The following TCF20 variants were observed in gnomAD, a reference collection of about 807,000 sequenced individuals.
The protein encoded by TCF20 is transcription factor 20.
Under a neutral mutation model 148.6 loss-of-function variants are expected in TCF20, and 3 were observed. That is an observed-to-expected ratio of 0.02 (90% confidence interval 0.01 to 0.05). The LOEUF is 0.05. Ranked by LOEUF, TCF20 falls within the 10% of genes least tolerant of loss-of-function variation. The pLI, the probability that TCF20 is intolerant of heterozygous loss-of-function variation, is 1.00. For synonymous variants in TCF20, 1,049 were observed against 909.5 expected (o/e 1.15, Z -2.76); for missense variants, 2,350 against 2,429.3 (o/e 0.97, Z 0.69).
intron 2 of TCF20, among the ~76,000 whole-genome samples, chr22:42,202,547 G>A (rs757821547): frequency 6.6e-6 from 1 of 152,210 alleles, no homozygotes; most frequent in Non-Finnish European, 1.5e-5. Flanking sequence ...AGCTGTTGAG[G>A]AGAACGGCAA....
At chr22:42,176,153 G>A (rs970990831) in intron 3 of TCF20, among the ~76,000 whole-genome samples, 3 of 152,184 alleles carry the variant, frequency 2.0e-5, no homozygotes, top group African/African-American at 7.2e-5. Context: ...CCATCAAGCT[G>A]CCTTTCAGTC....
chr22:42,214,896 C>A lies in TCF20; in HGVS notation c.410G>T (p.Gly137Val), dbSNP rs1156699069. 1.2e-6 allele frequency: 2 copies of A among 1,614,182 alleles called. No individual in the cohort carries two copies. The highest frequency in any genetic ancestry group is 1.3e-5 in the African/African-American group (1 of 75,036). ...GNQYGSEGHV[G>V]QFQAQHSGLG... The stretch of plus-strand genomic sequence containing the variant: ...GCCAGAGTGCTGTGCTTGAAACTGG[C>A]CCACATGACCCTCACTCCCATACTG... Residue 137 changes from glycine to valine, a missense_variant, in exon 2 of 6, where the codon GGC becomes GTC. This residue lies in a region of TCF20 where 1,641 missense variants were observed against 1,662.6 expected (regional missense o/e 0.99). Transcript: ENST00000677622.
rs955182915 is a variant in TCF20, at chr22:42,279,933, C to G, written c.-37+3894G>C. The stretch of plus-strand genomic sequence containing the variant: ...CCTCACAGGTGATGGGGTGTGTTGT[C>G]TATGGGGCTCTTGTGCCCTCTGGGG... On this transcript the variant is annotated intron_variant, in intron 1 of 5. Transcript: ENST00000359486. The surrounding 1 kb of genome is among the most constrained non-coding windows in gnomAD (Gnocchi z 4.3). Among the ~76,000 whole-genome samples, 1 of 145,562 alleles carries G rather than the reference C, an allele frequency of 6.9e-6. No homozygotes were observed. The highest frequency in any genetic ancestry group is 1.5e-5 in the Non-Finnish European group (1 of 64,814).
chr22:42,273,053 T>G (rs1451895844), upstream of TCF20, among the ~76,000 whole-genome samples: 1 of 151,992 alleles, frequency 6.6e-6, no homozygotes, highest in African/African-American at 2.4e-5. Flanking sequence ...CATAAGGTGT[T>G]GTGGGACTCT....
Position 42,327,879 on chromosome 22 carries a change from A to G in TCF20, c.-37+15600T>C, listed in dbSNP as rs879851386. 2.6e-5 allele frequency among the ~76,000 whole-genome samples: 4 copies of G among 151,424 alleles called. No homozygotes were observed. In the East Asian group the frequency reaches 7.8e-4, roughly 29 times the overall value. The stretch of plus-strand genomic sequence containing the variant: ...ACACAGGTTGCCTTCCCCGGCCTCA[A>G]AGTATAGCACTCCCTACCGCAGGGG... On this transcript the variant is annotated intron_variant, in intron 1 of 1. Transcript: ENST00000515426.
chr22:42,247,151 G>C (rs1303803021), intron 1 of TCF20, among the ~76,000 whole-genome samples: 1 of 151,772 alleles, frequency 6.6e-6, no homozygotes, highest in Admixed American at 6.6e-5. Flanking sequence ...TCAAAAGATG[G>C]AGAACAGGCT....
rs909279986 is a variant in TCF20 at position 42,290,088 on chromosome 22, C to G, written c.-37+53391G>C. Among the ~76,000 whole-genome samples, 1 of 152,210 alleles carries G rather than the reference C, an allele frequency of 6.6e-6. No individual in the cohort carries two copies. Among genetic ancestry groups the G allele is most frequent in the African/African-American group, 2.4e-5 (1 of 41,458 alleles). Reference sequence around the variant, plus strand: ...CGCACGCATGCGCCCCCTGCACCGCCGGCTGCTGCTTGGGGAGCGGGGGTC... The same window carrying G: ...CGCACGCATGCGCCCCCTGCACCGCGGGCTGCTGCTTGGGGAGCGGGGGTC... On this transcript the variant is annotated intron_variant, in intron 1 of 1. Coordinates refer to the TCF20 transcript ENST00000515426. The surrounding 1 kb of genome is among the most constrained non-coding windows in gnomAD (Gnocchi z 4.2).
In TCF20 at chr22:42,211,539, C is replaced by T. The variant is rs1024287636; in HGVS notation, c.3767G>A (p.Arg1256His). ...AATGGGAGAGATAAAAGAACGAACA[C>T]GCCTCCTCATGATTAAGGGGTTTTG... Reference protein sequence around the residue: ...SSQNPLIMRRRVRSFISPIPS... With the variant: ...SSQNPLIMRRHVRSFISPIPS... Residue 1256 changes from arginine to histidine, a missense_variant, in exon 2 of 6, where the codon CGT becomes CAT. Arg to His is a conservative substitution (Grantham distance 29, BLOSUM62 0). Transcript: ENST00000677622. 1 of 1,614,172 alleles carries T rather than the reference C, an allele frequency of 6.2e-7. No individual in the cohort carries two copies. Among genetic ancestry groups the T allele is most frequent in the Non-Finnish European group, 8.5e-7 (1 of 1,180,032 alleles).
intron 1 of TCF20, among the ~76,000 whole-genome samples, chr22:42,293,335 A>G (rs1224914714): frequency 1.3e-5 from 2 of 152,214 alleles, no homozygotes; most frequent in Non-Finnish European, 2.9e-5. Flanking sequence ...GTGGGTGCCA[A>G]ACAAAAAGGG....
intron 1 of TCF20, among the ~76,000 whole-genome samples, chr22:42,255,494 C>A (rs199637673): frequency 1.2e-4 from 4 of 34,262 alleles, no homozygotes; most frequent in African/African-American, 2.5e-4. Context: ...TCTCAAACAA[C>A]AACAACAACA....
intron 1 of TCF20, chr22:42,276,543 G>C (rs1926783395): frequency 6.6e-6 from 1 of 152,220 alleles, no homozygotes; most frequent in Non-Finnish European, 1.5e-5. Context: ...TCTGCCACAG[G>C]TTGGTCCTTC....
At chr22:42,202,475 G>T (rs1302518682) in intron 2 of TCF20, among the ~76,000 whole-genome samples, 2 of 152,222 alleles carry the variant, frequency 1.3e-5, no homozygotes, top group Non-Finnish European at 1.5e-5. Flanking sequence ...GAAACAACAA[G>T]TCCTGGAATT....
intron 5 of TCF20, among the ~76,000 whole-genome samples, chr22:42,162,126 G>A (rs1439099517): frequency 1.3e-5 from 2 of 151,674 alleles, no homozygotes; most frequent in Admixed American, 6.6e-5. Context: ...GATCACAGGT[G>A]CACGCCACCA....
intron 2 of TCF20, among the ~76,000 whole-genome samples, chr22:42,201,038 A>G (rs1937975122): frequency 6.6e-6 from 1 of 152,192 alleles, no homozygotes; most frequent in African/African-American, 2.4e-5. Flanking sequence ...TGTGGGTGCT[A>G]TTCCTGTGAT....
intron 1 of TCF20, among the ~76,000 whole-genome samples, chr22:42,327,200 T>C (rs1048004842): frequency 6.6e-5 from 10 of 152,132 alleles, no homozygotes; most frequent in Non-Finnish European, 1.3e-4. Context: ...GGCACTGATA[T>C]AGAGGGGCCA....
chr22:42,232,688 C>T (rs923815231), intron 1 of TCF20, among the ~76,000 whole-genome samples: 2 of 151,338 alleles, frequency 1.3e-5, no homozygotes, highest in African/African-American at 2.4e-5. Context: ...AAAATTAGCA[C>T]GGCGTGGTGG....
Position 42,210,248 on chromosome 22 carries a change from G to A in TCF20, c.5058C>T (p.Ser1686=). The A allele has an allele frequency of 6.2e-7, 1 of 1,614,200 alleles. No individual in the cohort carries two copies. The highest frequency in any genetic ancestry group is 8.5e-7 in the Non-Finnish European group (1 of 1,180,048). Residue 1686 remains serine, a synonymous_variant, in exon 2 of 6, where the codon TCC becomes TCT. Coordinates refer to ENST00000677622, the MANE Select transcript of TCF20 (RefSeq NM_001378418.1). The surrounding 1 kb of genome is among the most constrained non-coding windows in gnomAD (Gnocchi z 4.7). ...STESKALPAS[S]FMLQGPVVTE... Reference sequence around the variant, plus strand: ...TCACAACAGGTCCCTGCAGCATAAAGGACGAGGCCGGGAGCGCCTTGCTTT... The same window carrying A: ...TCACAACAGGTCCCTGCAGCATAAAAGACGAGGCCGGGAGCGCCTTGCTTT...
At position 42,212,994 on chromosome 22, in the gene TCF20, C is replaced by T; in HGVS notation, c.2312G>A (p.Ser771Asn). 8.1e-6 allele frequency: 13 copies of T among 1,614,134 alleles called. No individual in the cohort carries two copies. The highest frequency in any genetic ancestry group is 1.1e-5 in the Non-Finnish European group (13 of 1,180,016). The change falls in exon 2 of 6, where the codon AGT becomes AAT. Residue 771 changes from serine to asparagine, a missense_variant. Ser to Asn is a conservative substitution (Grantham distance 46, BLOSUM62 1). Transcript: ENST00000677622. ...HHHPDRRYSR[S>N]TQEHQGMAGS... is the part of the protein sequence containing the mutation. ...AGCCATCCCCTGATGCTCTTGAGTA[C>T]TCCTAGAATATCTCCTGTCAGGGTG...
intron 1 of TCF20, among the ~76,000 whole-genome samples, chr22:42,313,238 C>T (rs1927568097): frequency 6.6e-6 from 1 of 152,200 alleles, no homozygotes; most frequent in Non-Finnish European, 1.5e-5. Context: ...AGGCGAACCC[C>T]CTGGTGCACA....
Sources: gnomAD v4.1 joint callset for allele counts (sites outside exome capture counted in the v4.1 genomes callset) on GRCh38, gnomAD v4.1.1 for gene constraint, gnomAD v4.1.1 regional missense constraint, Gnocchi (gnomAD v3.1) non-coding constraint, MANE v1.5 for transcripts, NCBI Gene and HGNC (gene_info 2026-07-23, HGNC 2026-07-21) for gene names.